The following OR7A17 variants were observed in gnomAD, a reference collection of about 807,000 sequenced individuals.
The protein encoded by OR7A17 is olfactory receptor family 7 subfamily A member 17, also known as olfactory receptor 7A17.
For synonymous variants in OR7A17, 159 were observed against 142.1 expected (o/e 1.12, Z -0.85); for missense variants, 366 against 365.5 (o/e 1.00, Z -0.01).
rs987001268 is a variant in OR7A17, at chr19:14,878,448, C to A, written c.*1978G>T. The stretch of plus-strand genomic sequence containing the variant: ...TGTTCACTTACCTACATTTTAATGG[C>A]TAAGACACAATATTTTAAAAGGAAG... On this transcript the variant is annotated 3_prime_UTR_variant, in exon 3 of 3. Coordinates refer to ENST00000641113, the MANE Select transcript of OR7A17 (RefSeq NM_030901.2). The A allele has an allele frequency of 1.3e-5, 2 of 152,154 alleles. No individual in the cohort carries two copies. The highest frequency in any genetic ancestry group is 2.9e-5 in the Non-Finnish European group (2 of 68,018). 9.4% of individuals were successfully genotyped at this position (152,154 alleles called of 1,614,324 possible). A position where few individuals can be genotyped will look rare whatever the true frequency, so the allele number is the denominator to read the frequency against.
chr19:14,882,663 G>A (rs954778147), intron 1 of OR7A17, among the ~76,000 whole-genome samples: 1 of 152,258 alleles, frequency 6.6e-6, no homozygotes, highest in Non-Finnish European at 1.5e-5. Context: ...GCCTGCGAAG[G>A]CATCTCAGTA....
In OR7A17 at chr19:14,880,593, C is replaced by T; in HGVS notation, c.763G>A (p.Gly255Ser). Residue 255 changes from glycine to serine, a missense_variant, in exon 3 of 3, where the codon GGC becomes AGC. Transcript: ENST00000641113. Reference protein sequence around the residue: ...LSVVSLFCCTGLGVYLTSAAT... With the variant: ...LSVVSLFCCTSLGVYLTSAAT... The stretch of plus-strand genomic sequence containing the variant: ...GCAGAAGTAAGGTACACACCTAGGC[C>T]CGTACAACAAAATAAAGAGACAACT... The T allele has an allele frequency of 6.2e-7, 1 of 1,614,030 alleles. No homozygotes were observed. Among genetic ancestry groups the T allele is most frequent in the South Asian group, 1.1e-5 (1 of 91,074 alleles).
rs926960035 is a variant in OR7A17 at position 14,880,088 on chromosome 19, G to A, written c.*338C>T. 1.2e-5 allele frequency: 2 copies of A among 170,132 alleles called. No homozygotes were observed. Among genetic ancestry groups the A allele is most frequent in the Non-Finnish European group, 2.5e-5 (2 of 80,630 alleles). The allele number at this position is 170,132 out of a possible 1,614,324, so 10.5% of individuals were successfully genotyped here. ...ATAAAATTATATTAATGACCTTATG[G>A]CTGCCAGGTGCAATTGATTCTGCAG... On this transcript the variant is annotated 3_prime_UTR_variant, in exon 3 of 3. Transcript: ENST00000641113.
At position 14,880,633 on chromosome 19, in the gene OR7A17, A is replaced by G; in HGVS notation, c.723T>C (p.Cys241=). ...AQGKYKAFST[C]ASHLSVVSLF... is the part of the protein sequence containing the mutation. ...AAGAGACAACTGAGAGGTGTGATGC[A>G]CAGGTGGAAAATGCCTTGTACTTCC... Residue 241 remains cysteine, a synonymous_variant, in exon 3 of 3, where the codon TGT becomes TGC. Transcript: ENST00000641113. 6.2e-7 allele frequency: 1 copy of G among 1,614,172 alleles called. No homozygotes were observed. Among genetic ancestry groups the G allele is most frequent in the Non-Finnish European group, 8.5e-7 (1 of 1,180,046 alleles).
chr19:14,885,254 A>G (rs2045130728), intron 1 of OR7A17, among the ~76,000 whole-genome samples: 1 of 152,180 alleles, frequency 6.6e-6, no homozygotes. Flanking sequence ...CCTATTCAAC[A>G]TAGTGTTGGA....
At chr19:14,884,422 C>A (rs146852450) in intron 1 of OR7A17, among the ~76,000 whole-genome samples, 114 of 152,128 alleles carry the variant, frequency 7.5e-4, no homozygotes, top group African/African-American at 2.4e-3. Flanking sequence ...GAGAACCAGG[C>A]TCTAAAAAGT....
chr19:14,883,665 A>G (rs908501413), intron 1 of OR7A17, among the ~76,000 whole-genome samples: 2 of 152,200 alleles, frequency 1.3e-5, no homozygotes, highest in South Asian at 2.1e-4. Flanking sequence ...GTATGTCTGT[A>G]TTATGTAGAA....
rs536836232 is a variant in OR7A17, at chr19:14,880,171, C to T, written c.*255G>A. The T allele has an allele frequency of 3.4e-4, 88 of 255,970 alleles. No homozygotes were observed. Among genetic ancestry groups the T allele is most frequent in the African/African-American group, 2.0e-3 (85 of 43,140 alleles). 15.9% of individuals were successfully genotyped at this position (255,970 alleles called of 1,614,324 possible). ...TAGGAATCTCCACCTTGTTTCTGAC[C>T]CTAGTTTGGGAAAAACATTGGGAAA... On this transcript the variant is annotated 3_prime_UTR_variant, in exon 3 of 3. Coordinates refer to ENST00000641113, the MANE Select transcript of OR7A17 (RefSeq NM_030901.2).
At chr19:14,881,938 T>A (rs1316016718) in intron 1 of OR7A17, 67 bp from the exon 2 acceptor site, 1 of 152,224 alleles carries the variant, frequency 6.6e-6, no homozygotes, top group Admixed American at 6.5e-5. Flanking sequence ...TTGACTGACA[T>A]CACCTCAAGC....
chr19:14,880,436 C>T lies in OR7A17; in HGVS notation c.920G>A (p.Gly307Glu), dbSNP rs1231275446. ...TGAAAAATGGCCCTTTTATTGCTTT[C>T]CTCTGAAGGACATTTTCAGAGCCCT... ...IKRALKMSFRGKQ is the reference protein window; with the variant it reads ...IKRALKMSFREKQ Residue 307 changes from glycine (G) to glutamate (E), a missense_variant, in exon 3 of 3, where the codon GGA (glycine) becomes GAA (glutamate). Coordinates refer to ENST00000641113, the MANE Select transcript of OR7A17 (RefSeq NM_030901.2). 6.3e-7 allele frequency: 1 copy of T among 1,597,436 alleles called. No individual in the cohort carries two copies. Among genetic ancestry groups the T allele is most frequent in the Non-Finnish European group, 8.5e-7 (1 of 1,171,798 alleles).
chr19:14,880,945 G>A lies in OR7A17; in HGVS notation c.411C>T (p.Asn137=). 1.2e-6 allele frequency: 2 copies of A among 1,614,148 alleles called. No homozygotes were observed. Among genetic ancestry groups the A allele is most frequent in the South Asian group, 1.1e-5 (1 of 91,082 alleles). Residue 137 remains asparagine, a synonymous_variant, in exon 3 of 3, where the codon AAC becomes AAT. Coordinates refer to ENST00000641113, the MANE Select transcript of OR7A17 (RefSeq NM_030901.2). ...CHPLHYTVIM[N]PRLCGLLVLA... ...GAACCAGGAGTCCACAGAGCCGAGG[G>A]TTCATGATGACTGTGTAGTGCAGAG...
chr19:14,881,263 A>AAG lies in OR7A17; in HGVS notation c.92_93insCT (p.Leu32PhefsTer80). 4 of 1,613,920 alleles carry AAG rather than the reference A, an allele frequency of 2.5e-6. No individual in the cohort carries two copies. The highest frequency in any genetic ancestry group is 3.4e-6 in the Non-Finnish European group (4 of 1,179,894). ...GCACAGTGACCAGGTACATGGACAG[A>AAG]AACAGCCCAAAGAGGAAGGGCTGCA... On this transcript the variant is annotated frameshift_variant, in exon 3 of 3. Coordinates refer to ENST00000641113, the MANE Select transcript of OR7A17 (RefSeq NM_030901.2). LOFTEE classifies it low-confidence loss of function (END_TRUNC).
In OR7A17 at chr19:14,882,057, G is replaced by A. The variant is rs2045115067; in HGVS notation, c.-294-186C>T. Among the ~76,000 whole-genome samples, 4 of 151,296 alleles carry A rather than the reference G, an allele frequency of 2.6e-5. No individual in the cohort carries two copies. The South Asian group carries it at 8.4e-4, about 32-fold the overall frequency. ...GTTAGAAGATCTCCTTGCCATCTCT[G>A]ATTAGGAATTCCTAGACCACGCTCT... On this transcript the variant is annotated intron_variant, in intron 1 of 2. Transcript: ENST00000641113.
rs1447796395 is a variant in OR7A17, at chr19:14,878,374, T to C, written c.*2052A>G. 1 of 152,186 alleles carries C rather than the reference T, an allele frequency of 6.6e-6. No homozygotes were observed. Among genetic ancestry groups the C allele is most frequent in the African/African-American group, 2.4e-5 (1 of 41,448 alleles). 9.4% of individuals were successfully genotyped at this position (152,186 alleles called of 1,614,324 possible). On this transcript the variant is annotated 3_prime_UTR_variant, in exon 3 of 3. Coordinates refer to ENST00000641113, the MANE Select transcript of OR7A17 (RefSeq NM_030901.2). The stretch of plus-strand genomic sequence containing the variant: ...TTTGATTATAAGGGTTGAAGAGAGT[T>C]AGAGTATAAAAGAGACAAATGAACT...
At chr19:14,882,086 GCTCT>G (rs35963447) in intron 1 of OR7A17, among the ~76,000 whole-genome samples, 7,475 of 147,698 alleles carry the variant, frequency 0.051, 253 homozygotes, top group African/African-American at 0.1. Flanking sequence ...ACGCTCTCTC[GCTCT>G]CTCTCTCTCT....
At position 14,878,323 on chromosome 19, in the gene OR7A17, A is replaced by C. The variant is rs1009894509; in HGVS notation, c.*2103T>G. The C allele has an allele frequency of 6.6e-6, 1 of 152,214 alleles. No individual in the cohort carries two copies. Among genetic ancestry groups the C allele is most frequent in the African/African-American group, 2.4e-5 (1 of 41,454 alleles). 9.4% of individuals were successfully genotyped at this position (152,214 alleles called of 1,614,324 possible). ...ATTCTCCAAGCCAATGCTGGTTAGAAATTCAGGTTCCTTTGTGAGTCATCA... is the reference window on the plus strand; with the variant it reads ...ATTCTCCAAGCCAATGCTGGTTAGACATTCAGGTTCCTTTGTGAGTCATCA... On this transcript the variant is annotated 3_prime_UTR_variant, in exon 3 of 3. Transcript: ENST00000641113.
intron 1 of OR7A17, among the ~76,000 whole-genome samples, chr19:14,883,299 G>A (rs2045121084): frequency 6.6e-6 from 1 of 152,198 alleles, no homozygotes; most frequent in African/African-American, 2.4e-5. Flanking sequence ...AATTAGCCAG[G>A]TGTGGAGGCA....
intron 1 of OR7A17, 65 bp from the exon 2 acceptor site, chr19:14,881,936 C>T (rs1006900047): frequency 2.6e-5 from 4 of 152,206 alleles, no homozygotes; most frequent in Admixed American, 6.5e-5. Context: ...CCTTGACTGA[C>T]ATCACCTCAA....
At chr19:14,885,661 AAAGG>A (rs1214111120) in intron 1 of OR7A17, among the ~76,000 whole-genome samples, 1 of 152,218 alleles carries the variant, frequency 6.6e-6, no homozygotes, top group Non-Finnish European at 1.5e-5. Context: ...ATGCTCATGG[AAAGG>A]AAGAATCAAT....
Sources: gnomAD v4.1 joint callset for allele counts (sites outside exome capture counted in the v4.1 genomes callset) on GRCh38, gnomAD v4.1.1 for gene constraint, MANE v1.5 for transcripts, NCBI Gene and HGNC (gene_info 2026-07-23, HGNC 2026-07-21) for gene names.